ERBB4: variants seen among roughly 807,000 people sequenced by gnomAD.
ERBB4 encodes the protein erb-b2 receptor tyrosine kinase 4, also known as receptor tyrosine-protein kinase erbB-4.
In ERBB4, 42 loss-of-function variants were observed where a neutral mutation model predicts 158.0. The observed-to-expected ratio is 0.27, with a 90% confidence interval of 0.21 to 0.34. The LOEUF (loss-of-function observed/expected upper bound fraction) is 0.34, where lower values mean the gene tolerates loss of function less well. ERBB4 is among the 10% of genes least tolerant of loss of function. ERBB4 has a pLI of 1.00. For missense variants in ERBB4, 1,333 were observed against 1,624.1 expected (o/e 0.82, Z 3.08); for synonymous variants, 583 against 558.7 (o/e 1.04, Z -0.61).
At position 211,713,950 on chromosome 2, in the gene ERBB4, G is replaced by A. The variant is rs1333402934; in HGVS notation, c.884-302C>T. Among the ~76,000 whole-genome samples the A allele has an allele frequency of 2.6e-5, 4 of 152,132 alleles. No individual in the cohort carries two copies. In the East Asian group the frequency reaches 7.7e-4, roughly 29 times the overall value. The stretch of plus-strand genomic sequence containing the variant: ...ACTACGTGACATTTAGCTTGTGTGT[G>A]TCAATAGTTCCACTTCATTTCATGA... On this transcript the variant is annotated intron_variant, in intron 7 of 27. Transcript: ENST00000342788.
chr2:211,996,606 A>G (rs1444714932), intron 2 of ERBB4, among the ~76,000 whole-genome samples: 1 of 152,162 alleles, frequency 6.6e-6, no homozygotes, highest in Non-Finnish European at 1.5e-5. Flanking sequence ...AAAATTAAAA[A>G]TATTTTAGAT....
At chr2:212,096,245 A>G (rs867005709) in intron 2 of ERBB4, among the ~76,000 whole-genome samples, 3 of 152,116 alleles carry the variant, frequency 2.0e-5, no homozygotes, top group Non-Finnish European at 4.4e-5. Flanking sequence ...AATCTGAGAA[A>G]TAGGTGTTTA....
intron 19 of ERBB4, among the ~76,000 whole-genome samples, chr2:211,581,095 A>G (rs937730253): frequency 2.0e-5 from 3 of 150,726 alleles, no homozygotes; most frequent in East Asian, 2.0e-4. Flanking sequence ...GGAAGACACA[A>G]TGGACTTTGG....
chr2:211,381,025 A>G lies in ERBB4; in HGVS notation c.*2590T>C. ...CAGATTTATTTAGAAAGGGAGGCTT[A>G]TATTCAATTTTTCATAAGTACTGAT... On this transcript the variant is annotated 3_prime_UTR_variant, in exon 28 of 28. Transcript: ENST00000342788. 4.3e-6 allele frequency: 1 copy of G among 232,408 alleles called. No individual in the cohort carries two copies. Among genetic ancestry groups the G allele is most frequent in the Non-Finnish European group, 8.5e-6 (1 of 117,532 alleles). The allele number at this position is 232,408 out of a possible 1,614,324, so 14.4% of individuals were successfully genotyped here.
chr2:211,642,483 T>C (rs2070632660), intron 16 of ERBB4, among the ~76,000 whole-genome samples: 1 of 152,058 alleles, frequency 6.6e-6, no homozygotes, highest in African/African-American at 2.4e-5. Flanking sequence ...ACTCAATCAT[T>C]GGATTTCTTT....
In ERBB4 at chr2:211,770,195, G is replaced by T. The variant is rs557531347; in HGVS notation, c.556+17830C>A. 3.3e-5 allele frequency among the ~76,000 whole-genome samples: 5 copies of T among 152,264 alleles called. No individual in the cohort carries two copies. In the South Asian group the frequency reaches 1.0e-3, roughly 32 times the overall value. On this transcript the variant is annotated intron_variant, in intron 4 of 27. Transcript: ENST00000342788. ...AAGATCACCAGATGTCTCTTACTGT[G>T]AATCACTTCACATTAATGTTCCTTG...
intron 3 of ERBB4, among the ~76,000 whole-genome samples, chr2:211,925,375 G>A (rs995490602): frequency 4.3e-5 from 5 of 117,154 alleles, no homozygotes; most frequent in East Asian, 2.2e-4. Context: ...AAACAAGACT[G>A]CTTTTTTTTT....
chr2:211,385,383 T>C (rs1255427783), intron 27 of ERBB4, among the ~76,000 whole-genome samples: 1 of 152,154 alleles, frequency 6.6e-6, no homozygotes, highest in African/African-American at 2.4e-5. Flanking sequence ...ACAATTAGTG[T>C]TGGGATAGAA....
intron 2 of ERBB4, among the ~76,000 whole-genome samples, chr2:212,057,595 G>A (rs2077621151): frequency 6.6e-6 from 1 of 152,172 alleles, no homozygotes; most frequent in Non-Finnish European, 1.5e-5. Context: ...AGACCACAGT[G>A]CAATCAAACT....
chr2:211,586,248 A>C (rs546513494), intron 19 of ERBB4, among the ~76,000 whole-genome samples: 23 of 152,278 alleles, frequency 1.5e-4, no homozygotes, highest in African/African-American at 5.3e-4. Flanking sequence ...ACCAAATGAC[A>C]AACAAGAAAA....
intron 2 of ERBB4, among the ~76,000 whole-genome samples, chr2:212,027,071 G>A (rs2076790009): frequency 6.6e-6 from 1 of 151,712 alleles, no homozygotes; most frequent in African/African-American, 2.4e-5. Context: ...GTCACATCAA[G>A]GTTATATATG....
intron 2 of ERBB4, among the ~76,000 whole-genome samples, chr2:212,054,049 G>A (rs1194053083): frequency 2.0e-5 from 3 of 152,150 alleles, no homozygotes; most frequent in Admixed American, 6.5e-5. Flanking sequence ...TACAGAAAAA[G>A]CTGTGCAGTA....
chr2:211,919,346 T>C (rs2079796130), intron 3 of ERBB4, among the ~76,000 whole-genome samples: 2 of 152,082 alleles, frequency 1.3e-5, no homozygotes, highest in African/African-American at 4.8e-5. Context: ...TATAAGGCTT[T>C]ATACACTTTA....
At chr2:211,785,986 C>T (rs1379065551) in intron 4 of ERBB4, among the ~76,000 whole-genome samples, 2 of 151,880 alleles carry the variant, frequency 1.3e-5, no homozygotes, top group Admixed American at 6.6e-5. Context: ...GTGTCCATTG[C>T]CTCAAAAAAT....
At chr2:212,417,330 T>C (rs2091679951) in intron 1 of ERBB4, among the ~76,000 whole-genome samples, 1 of 151,988 alleles carries the variant, frequency 6.6e-6, no homozygotes, top group African/African-American at 2.4e-5. Context: ...TGTCTTAAAT[T>C]AACAAGAACT....
At chr2:211,781,414 G>C (rs780454396) in intron 4 of ERBB4, among the ~76,000 whole-genome samples, 1 of 152,136 alleles carries the variant, frequency 6.6e-6, no homozygotes, top group African/African-American at 2.4e-5. Flanking sequence ...TCAGTTGTTA[G>C]TTGGTATTTG....
intron 1 of ERBB4, among the ~76,000 whole-genome samples, chr2:212,226,264 A>C (rs533070987): frequency 2.0e-5 from 3 of 152,122 alleles, no homozygotes; most frequent in Admixed American, 1.3e-4. Context: ...CAACAACCTA[A>C]CTGAGCTTAG....
intron 5 of ERBB4, among the ~76,000 whole-genome samples, chr2:211,740,493 C>T (rs1294211208): frequency 6.6e-6 from 1 of 151,908 alleles, no homozygotes; most frequent in African/African-American, 2.4e-5. Context: ...TGGACAAAAA[C>T]GTGGCTTGGC....
At chr2:211,755,280 C>A (rs1448116513) in intron 4 of ERBB4, among the ~76,000 whole-genome samples, 2 of 152,144 alleles carry the variant, frequency 1.3e-5, no homozygotes, top group Non-Finnish European at 2.9e-5. Flanking sequence ...GGTGGGCTGA[C>A]TGCTTGAGCC....
Sources: gnomAD v4.1 joint callset for allele counts (sites outside exome capture counted in the v4.1 genomes callset) on GRCh38, gnomAD v4.1.1 for gene constraint, MANE v1.5 for transcripts, NCBI Gene and HGNC (gene_info 2026-07-23, HGNC 2026-07-21) for gene names.